The following FZD7 variants were observed in gnomAD, a reference collection of about 807,000 sequenced individuals.
The protein encoded by FZD7 is frizzled class receptor 7.
A neutral mutation model predicts 39.0 loss-of-function variants in FZD7; 21 were observed. The ratio of observed to expected loss-of-function variants is 0.54; its 90% confidence interval spans 0.38 to 0.78. The LOEUF is 0.78. FZD7 is among the 30% of genes least tolerant of loss of function. The probability of loss-of-function intolerance (pLI) is 0.00; values close to 1 mark genes in which losing one functional copy is unlikely to be tolerated. For synonymous variants in FZD7, 428 were observed against 364.9 expected, an observed-to-expected ratio of 1.17 and a Z score of -1.97; for missense variants, 695 against 805.0, an observed-to-expected ratio of 0.86 and a Z score of 1.65.
Position 202,036,736 on chromosome 2 carries a change from C to T in FZD7, c.*364C>T, listed in dbSNP as rs921759609. Reference sequence around the variant, plus strand: ...TGAACGGGGACTGTGAGCGATCCCCCTGCTGCAGGGCGAGTGGCCTGTCCA... The same window carrying T: ...TGAACGGGGACTGTGAGCGATCCCCTTGCTGCAGGGCGAGTGGCCTGTCCA... On this transcript the variant is annotated 3_prime_UTR_variant, in exon 1 of 1. Coordinates refer to ENST00000286201, the MANE Select transcript of FZD7 (RefSeq NM_003507.2). 3 of 287,060 alleles carry T rather than the reference C, an allele frequency of 1.0e-5. No individual in the cohort carries two copies. The highest frequency in any genetic ancestry group is 2.1e-5 in the Non-Finnish European group (3 of 141,730). 17.8% of individuals were successfully genotyped at this position (287,060 alleles called of 1,614,324 possible). A position where few individuals can be genotyped will look rare whatever the true frequency, so the allele number is the denominator to read the frequency against.
In FZD7 at chr2:202,035,042, A is replaced by G; in HGVS notation, c.395A>G (p.Glu132Gly). Residue 132 changes from glutamate (E) to glycine (G), a missense_variant, in exon 1 of 1, where the codon GAG becomes GGG. Coordinates refer to ENST00000286201, the MANE Select transcript of FZD7 (RefSeq NM_003507.2). ...TGCGAGCGCGCCCGCCAGGGCTGCG[A>G]GGCGCTCATGAACAAGTTCGGCTTC... ...SLCERARQGCEALMNKFGFQW... is the reference protein window; with the variant it reads ...SLCERARQGCGALMNKFGFQW... 9 of 1,613,100 alleles carry G rather than the reference A, an allele frequency of 5.6e-6. No homozygotes were observed. The highest frequency in any genetic ancestry group is 7.6e-6 in the Non-Finnish European group (9 of 1,179,864).
Position 202,036,631 on chromosome 2 carries a change from T to G in FZD7, c.*259T>G, listed in dbSNP as rs948781606. ...ATGATGATAACGGCGATGTGAATCG[T>G]CAAAGGTACGGGCCAGCTTGTGCCT... On this transcript the variant is annotated 3_prime_UTR_variant, in exon 1 of 1. Coordinates refer to ENST00000286201, the MANE Select transcript of FZD7 (RefSeq NM_003507.2). 1.6e-5 allele frequency: 8 copies of G among 515,048 alleles called. No individual in the cohort carries two copies. Among genetic ancestry groups the G allele is most frequent in the African/African-American group, 1.5e-4 (8 of 52,098 alleles). The allele number at this position is 515,048 out of a possible 1,614,324, so 31.9% of individuals were successfully genotyped here.
rs749838885 is a variant in FZD7 at position 202,035,849 on chromosome 2, A to T, written c.1202A>T (p.Gln401Leu). 3 of 1,614,086 alleles carry T rather than the reference A, an allele frequency of 1.9e-6. No homozygotes were observed. Among genetic ancestry groups the T allele is most frequent in the Non-Finnish European group, 2.5e-6 (3 of 1,179,986 alleles). The change falls in exon 1 of 1, where the codon CAG (glutamine) becomes CTG (leucine). Residue 401 changes from glutamine to leucine, a missense_variant. Coordinates refer to ENST00000286201, the MANE Select transcript of FZD7 (RefSeq NM_003507.2). ...VKTITILAMG[Q>L]VDGDLLSGVC... ...ACCATCACTATCCTGGCCATGGGCC[A>T]GGTAGACGGGGACCTGCTGAGCGGG...
At position 202,037,833 on chromosome 2, in the gene FZD7, G is replaced by A. The variant is rs1688773860; in HGVS notation, c.*1461G>A. The A allele has an allele frequency of 6.0e-6, 1 of 167,050 alleles. No homozygotes were observed. The highest frequency in any genetic ancestry group is 6.5e-5 in the Admixed American group (1 of 15,284). 10.3% of individuals were successfully genotyped at this position (167,050 alleles called of 1,614,324 possible). A position where few individuals can be genotyped will look rare whatever the true frequency, so the allele number is the denominator to read the frequency against. On this transcript the variant is annotated 3_prime_UTR_variant, in exon 1 of 1. Coordinates refer to ENST00000286201, the MANE Select transcript of FZD7 (RefSeq NM_003507.2). The stretch of plus-strand genomic sequence containing the variant: ...TTGAACCATGGGCCCCATCTTTAAA[G>A]AAAGTCATTAAAAGAAGGTAAACTT...
rs1559185181 is a variant in FZD7, at chr2:202,037,370, A to G, written c.*998A>G. 6.0e-6 allele frequency: 1 copy of G among 167,146 alleles called. No individual in the cohort carries two copies. Among genetic ancestry groups the G allele is most frequent in the Non-Finnish European group, 1.5e-5 (1 of 68,132 alleles). The allele number at this position is 167,146 out of a possible 1,614,324, so 10.4% of individuals were successfully genotyped here. On this transcript the variant is annotated 3_prime_UTR_variant, in exon 1 of 1. Transcript: ENST00000286201. ...GGTTGTTAATTTGGTTGAGATAAACATTCCTTTTTAAGGAAAAGTGAAGAG... is the reference window on the plus strand; with the variant it reads ...GGTTGTTAATTTGGTTGAGATAAACGTTCCTTTTTAAGGAAAAGTGAAGAG...
At position 202,036,083 on chromosome 2, in the gene FZD7, C is replaced by G; in HGVS notation, c.1436C>G (p.Thr479Arg). 6.2e-7 allele frequency: 1 copy of G among 1,614,058 alleles called. No homozygotes were observed. Among genetic ancestry groups the G allele is most frequent in the African/African-American group, 1.3e-5 (1 of 75,070 alleles). ...ATCGGCGTCTTCAGCGTGCTCTACA[C>G]AGTGCCCGCCACCATCGTCCTGGCC... ...VRIGVFSVLY[T>R]VPATIVLACY... Residue 479 changes from threonine to arginine, a missense_variant, in exon 1 of 1, where the codon ACA becomes AGA. Physicochemically the swap from Thr to Arg is moderately conservative, Grantham distance 71. Coordinates refer to ENST00000286201, the MANE Select transcript of FZD7 (RefSeq NM_003507.2).
chr2:202,034,474 C>T lies in FZD7; in HGVS notation c.-174C>T, dbSNP rs1688702611. The T allele has an allele frequency of 5.0e-6, 2 of 399,506 alleles. No individual in the cohort carries two copies. Among genetic ancestry groups the T allele is most frequent in the Non-Finnish European group, 8.4e-6 (2 of 237,906 alleles). The allele number at this position is 399,506 out of a possible 1,614,324, so 24.7% of individuals were successfully genotyped here. On this transcript the variant is annotated 5_prime_UTR_variant, in exon 1 of 1. Transcript: ENST00000286201. ...GGCGGCGGCGTCTGCGGCGCCTTCGCGGCGCGGGCACCCAGGCGGCAGCGC... is the reference window on the plus strand; with the variant it reads ...GGCGGCGGCGTCTGCGGCGCCTTCGTGGCGCGGGCACCCAGGCGGCAGCGC...
chr2:202,037,068 A>G lies in FZD7; in HGVS notation c.*696A>G, dbSNP rs1042775432. On this transcript the variant is annotated 3_prime_UTR_variant, in exon 1 of 1. Coordinates refer to ENST00000286201, the MANE Select transcript of FZD7 (RefSeq NM_003507.2). ...TGAGGATGCAAAAGAAATGATGATAACATTTTGAGATAAGGCCAAGGAGAC... is the reference window on the plus strand; with the variant it reads ...TGAGGATGCAAAAGAAATGATGATAGCATTTTGAGATAAGGCCAAGGAGAC... 1 of 167,130 alleles carries G rather than the reference A, an allele frequency of 6.0e-6. No homozygotes were observed. The highest frequency in any genetic ancestry group is 1.5e-5 in the Non-Finnish European group (1 of 68,136). The allele number at this position is 167,130 out of a possible 1,614,324, so 10.4% of individuals were successfully genotyped here.
In FZD7 at chr2:202,036,288, G is replaced by A. The variant is rs769424376; in HGVS notation, c.1641G>A (p.Trp547Ter). Residue 547 changes from tryptophan to a stop codon, truncating the protein, a stop_gained, in exon 1 of 1, where the codon TGG becomes TGA. Coordinates refer to ENST00000286201, the MANE Select transcript of FZD7 (RefSeq NM_003507.2). LOFTEE classifies it high-confidence loss of function. ...TMIVGITTGFWIWSGKTLQSW... is the reference protein window; with the variant it reads ...TMIVGITTGF ...TCGTCGGCATCACCACTGGCTTCTG[G>A]ATCTGGTCGGGCAAGACCCTGCAGT... is the stretch of plus-strand genomic sequence containing the variant. 5 of 1,613,228 alleles carry A rather than the reference G, an allele frequency of 3.1e-6. No homozygotes were observed. Among genetic ancestry groups the A allele is most frequent in the Non-Finnish European group, 8.5e-7 (1 of 1,180,016 alleles).
rs1413626861 is a variant in FZD7, at chr2:202,033,881, C to T, written c.-767C>T. Among the ~76,000 whole-genome samples the T allele has an allele frequency of 2.5e-5, 2 of 79,634 alleles. No individual in the cohort carries two copies. The highest frequency in any genetic ancestry group is 6.2e-5 in the Non-Finnish European group (2 of 32,170). 52.2% of individuals were successfully genotyped at this position (79,634 alleles called of 152,430 possible). A position where few individuals can be genotyped will look rare whatever the true frequency, so the allele number is the denominator to read the frequency against. ...TTAGTCGGCGCTCACTCCCGGCGGGCGGCGGCGGCGGCGGCGGCGGCGGGC... is the reference window on the plus strand; with the variant it reads ...TTAGTCGGCGCTCACTCCCGGCGGGTGGCGGCGGCGGCGGCGGCGGCGGGC... On this transcript the variant is annotated 5_prime_UTR_variant, in exon 1 of 1. Transcript: ENST00000286201.
chr2:202,036,590 A>G lies in FZD7; in HGVS notation c.*218A>G, dbSNP rs1688748265. ...CGGTTTGGATGAAAAGATTTCAGGC[A>G]AAGACTTGCAGGAAGATGATGATAA... On this transcript the variant is annotated 3_prime_UTR_variant, in exon 1 of 1. Coordinates refer to ENST00000286201, the MANE Select transcript of FZD7 (RefSeq NM_003507.2). 2 of 573,596 alleles carry G rather than the reference A, an allele frequency of 3.5e-6. No homozygotes were observed. The highest frequency in any genetic ancestry group is 5.0e-5 in the South Asian group (2 of 39,866). The allele number at this position is 573,596 out of a possible 1,614,324, so 35.5% of individuals were successfully genotyped here.
chr2:202,035,236 G>C lies in FZD7; in HGVS notation c.589G>C (p.Ala197Pro). The C allele has an allele frequency of 1.2e-6, 2 of 1,600,774 alleles. No individual in the cohort carries two copies. Reference sequence around the variant, plus strand: ...GCCCTTCACCGCGCTGCCCCCGGGGGCCTCAGATGGCAGGGGGCGTCCCGC... The same window carrying C: ...GCCCTTCACCGCGCTGCCCCCGGGGCCCTCAGATGGCAGGGGGCGTCCCGC... ...DLPFTALPPG[A>P]SDGRGRPAFP... The change falls in exon 1 of 1, where the codon GCC becomes CCC. Residue 197 changes from alanine to proline, a missense_variant. By Grantham distance (27) the Ala-to-Pro change is conservative. Coordinates refer to ENST00000286201, the MANE Select transcript of FZD7 (RefSeq NM_003507.2).
Position 202,036,477 on chromosome 2 carries a change from C to T in FZD7, c.*105C>T, listed in dbSNP as rs1688745065. 1 of 882,328 alleles carries T rather than the reference C, an allele frequency of 1.1e-6. No individual in the cohort carries two copies. The highest frequency in any genetic ancestry group is 1.7e-6 in the Non-Finnish European group (1 of 576,326). 54.7% of individuals were successfully genotyped at this position (882,328 alleles called of 1,614,324 possible). A position where few individuals can be genotyped will look rare whatever the true frequency, so the allele number is the denominator to read the frequency against. On this transcript the variant is annotated 3_prime_UTR_variant, in exon 1 of 1. Transcript: ENST00000286201. The stretch of plus-strand genomic sequence containing the variant: ...GGGGCCTGTTTCTGTAACTTTCTCC[C>T]CCTCTACTGAGAAGTGACCTGGAAG...
Position 202,035,655 on chromosome 2 carries a change from C to T in FZD7, c.1008C>T (p.Cys336=), listed in dbSNP as rs1688726647. 3.1e-6 allele frequency: 5 copies of T among 1,614,066 alleles called. No homozygotes were observed. Among genetic ancestry groups the T allele is most frequent in the Non-Finnish European group, 4.2e-6 (5 of 1,180,042 alleles). ...CGCAGGGCACCAAGAAGGAGGGCTG[C>T]ACCATCCTCTTCATGGTGCTCTACT... ...TVAQGTKKEG[C]TILFMVLYFF... The change falls in exon 1 of 1, where the codon TGC becomes TGT. Residue 336 remains cysteine, a synonymous_variant. Transcript: ENST00000286201.
In FZD7 at chr2:202,035,229, C is replaced by T. The variant is rs768231909; in HGVS notation, c.582C>T (p.Pro194=). 8.7e-6 allele frequency: 14 copies of T among 1,600,536 alleles called. No individual in the cohort carries two copies. The highest frequency in any genetic ancestry group is 1.2e-5 in the Non-Finnish European group (14 of 1,179,210). The change falls in exon 1 of 1, where the codon CCC becomes CCT. Residue 194 remains proline (P), a synonymous_variant. Coordinates refer to ENST00000286201, the MANE Select transcript of FZD7 (RefSeq NM_003507.2). ...CGGACCTGCCCTTCACCGCGCTGCC[C>T]CCGGGGGCCTCAGATGGCAGGGGGC... The part of the protein sequence containing the change: ...YLPDLPFTAL[P]PGASDGRGRP...
rs1205427534 is a variant in FZD7, at chr2:202,038,189, C to T, written c.*1817C>T. ...TCTTGTGTTTCTTCAACCTTCAAAA[C>T]TATCTCATCTGTCAGATTTTTAAAA... On this transcript the variant is annotated 3_prime_UTR_variant, in exon 1 of 1. Transcript: ENST00000286201. The T allele has an allele frequency of 6.0e-6, 1 of 167,076 alleles. No homozygotes were observed. Among genetic ancestry groups the T allele is most frequent in the Non-Finnish European group, 1.5e-5 (1 of 68,120 alleles). 10.3% of individuals were successfully genotyped at this position (167,076 alleles called of 1,614,324 possible).
chr2:202,035,012 C>G lies in FZD7; in HGVS notation c.365C>G (p.Ser122Cys), dbSNP rs1020354758. The change falls in exon 1 of 1, where the codon TCT becomes TGT. Residue 122 changes from serine to cysteine, a missense_variant. Coordinates refer to ENST00000286201, the MANE Select transcript of FZD7 (RefSeq NM_003507.2). ...VLDQAIPPCR[S>C]LCERARQGCE... ...GATCAGGCCATCCCGCCGTGTCGTT[C>G]TCTGTGCGAGCGCGCCCGCCAGGGC... The G allele has an allele frequency of 2.5e-6, 4 of 1,613,726 alleles. No individual in the cohort carries two copies. Among genetic ancestry groups the G allele is most frequent in the South Asian group, 1.1e-5 (1 of 91,076 alleles).
chr2:202,034,720 G>T lies in FZD7; in HGVS notation c.73G>T (p.Ala25Ser), dbSNP rs1202328038. The change falls in exon 1 of 1, where the codon GCA (alanine) becomes TCA (serine). Residue 25 changes from alanine (A) to serine (S), a missense_variant. By Grantham distance (99) the Ala-to-Ser change is moderately conservative (BLOSUM62 1). Transcript: ENST00000286201. Reference sequence around the variant, plus strand: ...TGCCCTGGTGCTGGCGCTGCTGGGCGCACTGTCCGCGGGCGCCGGGGCGCA... The same window carrying T: ...TGCCCTGGTGCTGGCGCTGCTGGGCTCACTGTCCGCGGGCGCCGGGGCGCA... ...LCALVLALLGALSAGAGAQPY... is the reference protein window; with the variant it reads ...LCALVLALLGSLSAGAGAQPY... The T allele has an allele frequency of 2.5e-6, 4 of 1,610,680 alleles. No homozygotes were observed. The highest frequency in any genetic ancestry group is 1.1e-5 in the South Asian group (1 of 90,950).
In FZD7 at chr2:202,035,859, G is replaced by A; in HGVS notation, c.1212G>A (p.Gly404=). The part of the protein sequence containing the change: ...ITILAMGQVD[G]DLLSGVCYVG... ...TCCTGGCCATGGGCCAGGTAGACGGGGACCTGCTGAGCGGGGTGTGCTACG... is the reference window on the plus strand; with the variant it reads ...TCCTGGCCATGGGCCAGGTAGACGGAGACCTGCTGAGCGGGGTGTGCTACG... Residue 404 remains glycine (G), a synonymous_variant, in exon 1 of 1, where the codon GGG becomes GGA. Transcript: ENST00000286201. 1.9e-6 allele frequency: 3 copies of A among 1,614,142 alleles called. No homozygotes were observed. The highest frequency in any genetic ancestry group is 2.5e-6 in the Non-Finnish European group (3 of 1,180,010).
Sources: allele counts gnomAD v4.1 joint callset (sites outside exome capture counted in the v4.1 genomes callset), GRCh38; gene constraint gnomAD v4.1.1; transcripts MANE v1.5; gene names NCBI Gene and HGNC (gene_info 2026-07-23, HGNC 2026-07-21).